Variants in TENM3 observed in about 807,000 individuals in gnomAD.
TENM3 encodes the protein teneurin-3.
A neutral mutation model predicts 255.1 loss-of-function variants in TENM3; 63 were observed. That is an observed-to-expected ratio of 0.25 (90% CI 0.20 to 0.30). The LOEUF (loss-of-function observed/expected upper bound fraction) is 0.30, where lower values mean the gene tolerates loss of function less well. TENM3 is among the 10% of genes least tolerant of loss of function. The pLI is 1.00. For missense variants in TENM3, 2,929 were observed against 3,461.1 expected (o/e 0.85, Z 3.86); for synonymous variants, 1,306 against 1,322.3 (o/e 0.99, Z 0.27).
intron 1 of TENM3, among the ~76,000 whole-genome samples, chr4:182,265,590 C>T (rs1357587714): frequency 6.6e-6 from 1 of 152,084 alleles, no homozygotes; most frequent in Non-Finnish European, 1.5e-5. Context: ...CTTATTTGGC[C>T]CTAGAAATGC....
intron 3 of TENM3, among the ~76,000 whole-genome samples, chr4:182,523,481 C>T (rs1738794682): frequency 6.6e-6 from 1 of 152,102 alleles, no homozygotes; most frequent in Non-Finnish European, 1.5e-5. Context: ...ACCTTCCATT[C>T]CCTGTTCTCA....
chr4:181,495,600 A>G, the TENM3 span, among the ~76,000 whole-genome samples: 3 of 152,080 alleles, frequency 2.0e-5, no homozygotes. Flanking sequence ...TTTAAAAGAC[A>G]TTGAAATATC....
the TENM3 span, among the ~76,000 whole-genome samples, chr4:181,809,991 G>A: frequency 7.9e-5 from 12 of 152,038 alleles, no homozygotes; most frequent in African/African-American, 2.7e-4. Flanking sequence ...CTATAAGAGC[G>A]TACATTTGTG....
chr4:182,469,986 G>T (rs1449124202), intron 3 of TENM3, among the ~76,000 whole-genome samples: 2 of 152,072 alleles, frequency 1.3e-5, no homozygotes, highest in Non-Finnish European at 2.9e-5. Context: ...ATATCCAGCG[G>T]GGACAGGGCC....
intron 1 of TENM3, among the ~76,000 whole-genome samples, chr4:182,176,022 C>T (rs1005260055): frequency 1.3e-5 from 2 of 151,902 alleles, no homozygotes; most frequent in East Asian, 1.9e-4. Context: ...ACAATATTTT[C>T]GTTAGTAATG....
chr4:181,748,699 A>G, the TENM3 span, among the ~76,000 whole-genome samples: 1 of 152,076 alleles, frequency 6.6e-6, no homozygotes, highest in Non-Finnish European at 1.5e-5. Flanking sequence ...CGATTGGATA[A>G]TCATCTATAA....
intron 3 of TENM3, among the ~76,000 whole-genome samples, chr4:182,494,594 A>C (rs1735588310): frequency 6.6e-6 from 1 of 152,142 alleles, no homozygotes; most frequent in Non-Finnish European, 1.5e-5. Context: ...TTTTATATTA[A>C]ATTGCTTGTT....
At chr4:182,172,104 A>C in intron 1 of TENM3, among the ~76,000 whole-genome samples, 1 of 64,022 alleles carries the variant, frequency 1.6e-5, no homozygotes, top group Admixed American at 1.5e-4. Context: ...ACACCATTAT[A>C]AATATTTAGC....
chr4:181,862,851 G>T, the TENM3 span, among the ~76,000 whole-genome samples: 2 of 152,128 alleles, frequency 1.3e-5, no homozygotes, highest in Admixed American at 1.3e-4. Context: ...TAACTCTAGT[G>T]GATTTAGTTT....
At chr4:182,587,109 G>C (rs909207761) in intron 3 of TENM3, among the ~76,000 whole-genome samples, 16 of 151,602 alleles carry the variant, frequency 1.1e-4, no homozygotes, top group Non-Finnish European at 1.9e-4. Flanking sequence ...TTTTTTTTAA[G>C]AGACACAGTC....
At chr4:181,790,274 A>G in the TENM3 span, among the ~76,000 whole-genome samples, 4 of 152,140 alleles carry the variant, frequency 2.6e-5, no homozygotes, top group African/African-American at 9.7e-5. Context: ...AGAGAGAAAA[A>G]AATTGTTTTT....
At chr4:182,183,213 T>G (rs1262838134) in intron 1 of TENM3, among the ~76,000 whole-genome samples, 2 of 152,148 alleles carry the variant, frequency 1.3e-5, no homozygotes, top group Admixed American at 1.3e-4. Flanking sequence ...TTGTTTCTTC[T>G]TATTATTATT....
At chr4:181,473,331 G>A in the TENM3 span, among the ~76,000 whole-genome samples, 2 of 152,108 alleles carry the variant, frequency 1.3e-5, no homozygotes, top group Non-Finnish European at 2.9e-5. Context: ...GCTCATGCCT[G>A]TAATCCAGCA....
At chr4:182,269,408 G>A (rs779519332) in intron 1 of TENM3, among the ~76,000 whole-genome samples, 8 of 152,142 alleles carry the variant, frequency 5.3e-5, no homozygotes, top group Non-Finnish European at 1.2e-4. Context: ...CTGGACAGTT[G>A]GCCAAGGGAA....
Position 182,158,606 on chromosome 4 carries a change from TCTG to T in TENM3, c.-76+13853_-76+13855del, listed in dbSNP as rs1428988059. On this transcript the variant is annotated intron_variant, in intron 1 of 2. Coordinates refer to the TENM3 transcript ENST00000512480. The stretch of plus-strand genomic sequence containing the variant: ...AGAAACCTAGGCTGCCGGCAGGTCT[TCTG>T]TACAGAATTACTCATGGCAGGGAGG... 3.9e-5 allele frequency among the ~76,000 whole-genome samples: 6 copies of T among 152,306 alleles called. No individual in the cohort carries two copies. In the East Asian group the frequency reaches 1.2e-3, roughly 29 times the overall value.
At chr4:182,183,248 G>A (rs116473364) in intron 1 of TENM3, among the ~76,000 whole-genome samples, 550 of 152,046 alleles carry the variant, frequency 3.6e-3, no homozygotes, top group African/African-American at 0.012. Flanking sequence ...CATAGCTCAG[G>A]GAAAGCAATA....
chr4:182,107,402 G>C, the TENM3 span, among the ~76,000 whole-genome samples: 82 of 152,296 alleles, frequency 5.4e-4, no homozygotes, highest in South Asian at 1.0e-3. Flanking sequence ...CTGAAACATC[G>C]AAGGACATCC....
At chr4:182,515,898 A>G (rs778249477) in intron 3 of TENM3, among the ~76,000 whole-genome samples, 10 of 152,242 alleles carry the variant, frequency 6.6e-5, no homozygotes, top group Non-Finnish European at 1.5e-4. Flanking sequence ...TTGTGATTCC[A>G]CACACAGCTC....
the TENM3 span, among the ~76,000 whole-genome samples, chr4:181,689,810 T>C: frequency 2.0e-5 from 3 of 152,146 alleles, no homozygotes; most frequent in Non-Finnish European, 4.4e-5. Flanking sequence ...GCTTTTCTTC[T>C]TCTTATTGGT....
Sources: allele counts gnomAD v4.1 joint callset (sites outside exome capture counted in the v4.1 genomes callset), GRCh38; gene constraint gnomAD v4.1.1; transcripts MANE v1.5; gene names NCBI Gene and HGNC (gene_info 2026-07-23, HGNC 2026-07-21).